Variants in NTM observed in about 807,000 individuals in gnomAD.
NTM encodes neurotrimin, also known as IgLON family member 2.
NTM carries 13 observed loss-of-function variants against 42.1 expected under a neutral mutation model. The ratio of observed to expected loss-of-function variants is 0.31; its 90% CI spans 0.20 to 0.49. The LOEUF (loss-of-function observed/expected upper bound fraction) is 0.49, where lower values mean the gene tolerates loss of function less well. NTM is among the 20% of genes least tolerant of loss of function. NTM has a pLI of 0.99. For missense variants in NTM, 373 were observed against 452.8 expected, an observed-to-expected ratio of 0.82 and a Z score of 1.60; for synonymous variants, 187 against 179.2, an observed-to-expected ratio of 1.04 and a Z score of -0.35.
intron 1 of NTM, among the ~76,000 whole-genome samples, chr11:131,432,261 C>T (rs1178366188): frequency 1.3e-5 from 2 of 152,072 alleles, no homozygotes; most frequent in Non-Finnish European, 2.9e-5. Context: ...CCCGCCAGTC[C>T]GTGAGGAAAT....
At chr11:131,400,357 A>G (rs754860615) in intron 1 of NTM, among the ~76,000 whole-genome samples, 1 of 152,242 alleles carries the variant, frequency 6.6e-6, no homozygotes, top group African/African-American at 2.4e-5. Context: ...ATTTTCTCAA[A>G]CACAAAGCAC....
intron 4 of NTM, among the ~76,000 whole-genome samples, chr11:132,243,045 G>C (rs550809316): frequency 6.6e-6 from 1 of 152,310 alleles, no homozygotes; most frequent in Non-Finnish European, 1.5e-5. Flanking sequence ...AGAAGACGCT[G>C]CAGAGTTCTT....
chr11:131,647,478 G>A (rs970089266), intron 1 of NTM, among the ~76,000 whole-genome samples: 13 of 152,158 alleles, frequency 8.5e-5, no homozygotes, highest in African/African-American at 3.1e-4. Flanking sequence ...AGCAAACAAG[G>A]GGACCCTGAA....
chr11:131,977,322 T>C (rs1279266550), intron 2 of NTM, among the ~76,000 whole-genome samples: 1 of 152,242 alleles, frequency 6.6e-6, no homozygotes, highest in African/African-American at 2.4e-5. Context: ...CTGCCAAATT[T>C]CCCAAGAGCG....
chr11:131,791,406 G>A (rs1317362527), intron 1 of NTM, among the ~76,000 whole-genome samples: 3 of 152,202 alleles, frequency 2.0e-5, no homozygotes, highest in African/African-American at 7.2e-5. Flanking sequence ...TAAATGTAAT[G>A]AGTGAGTGTA....
intron 2 of NTM, among the ~76,000 whole-genome samples, chr11:131,931,501 G>GTGTGTGTA (rs1353027491): frequency 6.6e-6 from 1 of 150,966 alleles, no homozygotes; most frequent in Non-Finnish European, 1.5e-5. Flanking sequence ...GTGTGTGTGT[G>GTGTGTGTA]TGTATGTGTG....
intron 2 of NTM, among the ~76,000 whole-genome samples, chr11:132,004,654 AACAC>A (rs142814244): frequency 7.4e-6 from 1 of 136,024 alleles, no homozygotes; most frequent in Non-Finnish European, 1.6e-5. Context: ...ACACACACAC[AACAC>A]ACACACACAC....
intron 2 of NTM, among the ~76,000 whole-genome samples, chr11:132,081,737 AAGAT>A (rs1036180164): frequency 4.4e-4 from 67 of 151,646 alleles, no homozygotes; most frequent in Admixed American, 5.3e-4. Context: ...AAAAAAAAAA[AAGAT>A]AGAAGCCAGA....
rs752245962 is a variant in NTM at position 131,681,104 on chromosome 11, CCT to C, written c.83-230459_83-230458del. On this transcript the variant is annotated intron_variant, in intron 1 of 8. Transcript: ENST00000683400. ...GTTTCTGTGTCTGTGTGTATGTCTC[CCT>C]GTGTGTGTGAGCGTGTGTGTTTCTG... Among the ~76,000 whole-genome samples, 4 of 43,664 alleles carry C rather than the reference CCT, an allele frequency of 9.2e-5. 1 individual carries two copies. The highest frequency in any genetic ancestry group is 2.2e-4 in the Non-Finnish European group (4 of 18,518). 28.6% of individuals were successfully genotyped at this position (43,664 alleles called of 152,430 possible). A position where few individuals can be genotyped will look rare whatever the true frequency, so the allele number is the denominator to read the frequency against.
In NTM at chr11:131,603,356, C is replaced by T. The variant is rs1180896525; in HGVS notation, c.82+232468C>T. Among the ~76,000 whole-genome samples, 5 of 152,146 alleles carry T rather than the reference C, an allele frequency of 3.3e-5. No individual in the cohort carries two copies. The East Asian group carries it at 7.7e-4, about 24-fold the overall frequency. The stretch of plus-strand genomic sequence containing the variant: ...GGGAATCTTATTAATATGAAAAATA[C>T]CATTCCACAGATTTAGGGTATGGGC... On this transcript the variant is annotated intron_variant, in intron 1 of 8. Coordinates refer to ENST00000683400, the MANE Select transcript of NTM (RefSeq NM_001352005.2).
chr11:132,320,753 C>A (rs1473620685), intron 7 of NTM, among the ~76,000 whole-genome samples: 1 of 151,876 alleles, frequency 6.6e-6, no homozygotes, highest in East Asian at 1.9e-4. Context: ...ACAGCAGTAA[C>A]CTCTGCAGAC....
chr11:131,918,629 C>A (rs2056774072), intron 2 of NTM, among the ~76,000 whole-genome samples: 1 of 152,146 alleles, frequency 6.6e-6, no homozygotes, highest in Non-Finnish European at 1.5e-5. Flanking sequence ...CAATCCCCCT[C>A]GGTTCCATAG....
At chr11:131,587,476 G>C (rs1284007516) in intron 1 of NTM, among the ~76,000 whole-genome samples, 1 of 151,644 alleles carries the variant, frequency 6.6e-6, no homozygotes, top group African/African-American at 2.4e-5. Context: ...TTACTTCGAA[G>C]TCCATACTCT....
At chr11:132,035,785 G>A (rs145925646) in intron 2 of NTM, among the ~76,000 whole-genome samples, 1 of 152,238 alleles carries the variant, frequency 6.6e-6, no homozygotes, top group Non-Finnish European at 1.5e-5. Context: ...TGCTGGCTGG[G>A]TAATGGATGT....
At chr11:132,115,719 T>A (rs2063791864) in intron 2 of NTM, among the ~76,000 whole-genome samples, 1 of 152,218 alleles carries the variant, frequency 6.6e-6, no homozygotes, top group Non-Finnish European at 1.5e-5. Flanking sequence ...CTTGCCCTTG[T>A]CTTTCTAATG....
At position 131,911,646 on chromosome 11, in the gene NTM, C is replaced by G. The variant is rs1220588928; in HGVS notation, c.165C>G (p.Leu55=). 2 of 1,613,918 alleles carry G rather than the reference C, an allele frequency of 1.2e-6. No individual in the cohort carries two copies. Among genetic ancestry groups the G allele is most frequent in the Non-Finnish European group, 1.7e-6 (2 of 1,179,944 alleles). The change falls in exon 2 of 9, where the codon CTC becomes CTG. Residue 55 remains leucine (L), a splice_region_variant and synonymous_variant. Transcript: ENST00000683400. ...VTVRQGESAT[L]RCTIDNRVTR... Reference sequence around the variant, plus strand: ...TCCGGCAGGGGGAGAGCGCCACCCTCAGGTAGGGAGCTGACATTGTTCTGC... The same window carrying G: ...TCCGGCAGGGGGAGAGCGCCACCCTGAGGTAGGGAGCTGACATTGTTCTGC...
At chr11:132,110,264 T>G (rs2062988020) in intron 2 of NTM, among the ~76,000 whole-genome samples, 1 of 152,366 alleles carries the variant, frequency 6.6e-6, no homozygotes, top group Middle Eastern at 3.4e-3. Context: ...GCTGAACAAA[T>G]GAATGAATGA....
chr11:131,793,970 T>G (rs1033374605), intron 1 of NTM, among the ~76,000 whole-genome samples: 1 of 152,194 alleles, frequency 6.6e-6, no homozygotes, highest in African/African-American at 2.4e-5. Context: ...TGAGATAAGA[T>G]TAAAAGACCT....
intron 1 of NTM, among the ~76,000 whole-genome samples, chr11:131,750,369 G>A (rs761859427): frequency 1.3e-5 from 2 of 152,178 alleles, no homozygotes; most frequent in Non-Finnish European, 2.9e-5. Context: ...GCCAGGCAAA[G>A]TGTCATTCTG....
Sources: allele counts gnomAD v4.1 joint callset (sites outside exome capture counted in the v4.1 genomes callset), GRCh38; gene constraint gnomAD v4.1.1; transcripts MANE v1.5; gene names NCBI Gene and HGNC (gene_info 2026-07-23, HGNC 2026-07-21).